The following WWOX variants were observed in gnomAD, a reference collection of about 807,000 sequenced individuals.
WWOX encodes WW domain-containing oxidoreductase.
A neutral mutation model predicts 46.2 loss-of-function variants in WWOX; 69 were observed. The ratio of observed to expected loss-of-function variants is 1.49; its 90% CI spans 1.23 to 1.82. WWOX has a LOEUF of 1.82. Ranked by LOEUF, WWOX falls within the 40% of genes most tolerant of loss-of-function variation. WWOX has a pLI of 0.00. For missense variants in WWOX, 919 were observed against 542.6 expected, an observed-to-expected ratio of 1.69 and a Z score of -6.89; for synonymous variants, 359 against 202.6, an observed-to-expected ratio of 1.77 and a Z score of -6.56.
chr16:78,564,203 C>T (rs2044508757), intron 8 of WWOX, among the ~76,000 whole-genome samples: 1 of 152,182 alleles, frequency 6.6e-6, no homozygotes, highest in African/African-American at 2.4e-5. Flanking sequence ...TTGTTTATAG[C>T]CACTAATATT....
In WWOX at chr16:78,447,071, G is replaced by A. The variant is rs1385439471; in HGVS notation, c.1056+14319G>A. On this transcript the variant is annotated intron_variant, in intron 8 of 8. Transcript: ENST00000566780. ...TTCTCTGTACTCTGTCCTGTCCAGT[G>A]CCTTTCAGAAGTAAGGTTTTTAGAA... is the stretch of plus-strand genomic sequence containing the variant. 2.0e-5 allele frequency among the ~76,000 whole-genome samples: 3 copies of A among 152,304 alleles called. No individual in the cohort carries two copies. The East Asian group carries it at 5.8e-4, about 29-fold the overall frequency.
chr16:78,711,064 T>C (rs1279931195), intron 8 of WWOX, among the ~76,000 whole-genome samples: 1 of 152,146 alleles, frequency 6.6e-6, no homozygotes, highest in Non-Finnish European at 1.5e-5. Flanking sequence ...TCTTAGAAAG[T>C]GGAGGGTGTA....
intron 8 of WWOX, among the ~76,000 whole-genome samples, chr16:78,680,317 G>A (rs983755803): frequency 2.6e-5 from 4 of 152,280 alleles, no homozygotes; most frequent in African/African-American, 9.6e-5. Context: ...GCTGAGGTGG[G>A]AGGATTGCGT....
rs541455368 is a variant in WWOX at position 78,486,559 on chromosome 16, A to AGTTTTGTTTTGTTTTGTTTTGTTTT, written c.1056+53819_1056+53843dup. On this transcript the variant is annotated intron_variant, in intron 8 of 8. Coordinates refer to ENST00000566780, the MANE Select transcript of WWOX (RefSeq NM_016373.4). ...TACTGGGTGTGTTTAATTGACTTCC[A>AGTTTTGTTTTGTTTTGTTTTGTTTT]GTTTTGTTTTGTTTTGTTTTGTTTT... Among the ~76,000 whole-genome samples, 527 of 137,642 alleles carry AGTTTTGTTTTGTTTTGTTTTGTTTT rather than the reference A, an allele frequency of 3.8e-3. 4 individuals carry two copies. Among genetic ancestry groups the AGTTTTGTTTTGTTTTGTTTTGTTTT allele is most frequent in the African/African-American group, 0.012 (420 of 34,070 alleles). 90.3% of individuals were successfully genotyped at this position (137,642 alleles called of 152,430 possible).
intron 8 of WWOX, among the ~76,000 whole-genome samples, chr16:78,919,573 A>C (rs1417078566): frequency 1.2e-4 from 17 of 141,286 alleles, no homozygotes; most frequent in Non-Finnish European, 1.7e-4. Context: ...GATGGAGCAC[A>C]ATGGCGCGAT....
intron 8 of WWOX, among the ~76,000 whole-genome samples, chr16:79,099,131 C>T (rs753470380): frequency 3.3e-5 from 5 of 152,180 alleles, no homozygotes; most frequent in East Asian, 3.9e-4. Context: ...AACCAGCTCC[C>T]GTGGGAAATC....
At chr16:78,358,600 G>C (rs2081345329) in intron 5 of WWOX, among the ~76,000 whole-genome samples, 1 of 152,138 alleles carries the variant, frequency 6.6e-6, no homozygotes, top group African/African-American at 2.4e-5. Flanking sequence ...GGAGTTTGCA[G>C]TGAGCCGAGA....
chr16:79,036,751 A>T (rs1464405057), intron 8 of WWOX, among the ~76,000 whole-genome samples: 2 of 152,192 alleles, frequency 1.3e-5, no homozygotes, highest in Admixed American at 1.3e-4. Context: ...TGGGAAGAGT[A>T]AACAGGCATG....
In WWOX at chr16:78,508,310, C is replaced by CTTTTTTTTTT. The variant is rs60281450; in HGVS notation, c.1056+75579_1056+75588dup. ...ATAGGCGTGAGCCACTGCGCCCGGCCTTTTTTTTTTTTTTTTTTTTTTTTT... is the reference window on the plus strand; with the variant it reads ...ATAGGCGTGAGCCACTGCGCCCGGCCTTTTTTTTTTTTTTTTTTTTTTTTTTTTTTTTTTT... On this transcript the variant is annotated intron_variant, in intron 8 of 8. Coordinates refer to ENST00000566780, the MANE Select transcript of WWOX (RefSeq NM_016373.4). Among the ~76,000 whole-genome samples the CTTTTTTTTTT allele has an allele frequency of 1.4e-3, 160 of 112,720 alleles. 16 individuals are homozygous for CTTTTTTTTTT. Among genetic ancestry groups the CTTTTTTTTTT allele is most frequent in the East Asian group, 8.5e-3 (31 of 3,648 alleles). 73.9% of individuals were successfully genotyped at this position (112,720 alleles called of 152,430 possible). A position where few individuals can be genotyped will look rare whatever the true frequency, so the allele number is the denominator to read the frequency against.
At chr16:79,170,616 T>TAAAA (rs10623409) in intron 8 of WWOX, among the ~76,000 whole-genome samples, 88,837 of 151,598 alleles carry the variant, frequency 0.59, 27,594 homozygotes, top group East Asian at 0.89. Context: ...ATTTTTTACT[T>TAAAA]AAACCACACA....
intron 8 of WWOX, chr16:78,825,134 A>G (rs1457794258): frequency 6.5e-6 from 1 of 153,174 alleles, no homozygotes; most frequent in Non-Finnish European, 1.5e-5. Flanking sequence ...GAGTTTCATA[A>G]GGTCATAGAG....
At chr16:79,190,898 A>T (rs2051122646) in intron 8 of WWOX, among the ~76,000 whole-genome samples, 1 of 152,208 alleles carries the variant, frequency 6.6e-6, no homozygotes, top group Non-Finnish European at 1.5e-5. Flanking sequence ...CTTGAGTTAG[A>T]CAGCTAATTA....
intron 8 of WWOX, among the ~76,000 whole-genome samples, chr16:78,575,491 C>G (rs1035519516): frequency 2.6e-5 from 4 of 151,960 alleles, no homozygotes; most frequent in East Asian, 1.9e-4. Flanking sequence ...GCATGGAGGA[C>G]AAGAAGGCAC....
intron 8 of WWOX, among the ~76,000 whole-genome samples, chr16:78,673,819 G>A (rs564411621): frequency 4.6e-5 from 7 of 152,226 alleles, no homozygotes; most frequent in African/African-American, 1.7e-4. Flanking sequence ...AATAGTGCAA[G>A]ATTTCTATCG....
intron 8 of WWOX, among the ~76,000 whole-genome samples, chr16:78,882,458 G>A (rs921321651): frequency 6.7e-6 from 1 of 149,492 alleles, no homozygotes; most frequent in Non-Finnish European, 1.5e-5. Context: ...AGAAGGTTCT[G>A]TTAACACACC....
chr16:78,749,826 T>C (rs1312069320), intron 8 of WWOX, among the ~76,000 whole-genome samples: 1 of 152,210 alleles, frequency 6.6e-6, no homozygotes, highest in Non-Finnish European at 1.5e-5. Flanking sequence ...AAACTGTTCC[T>C]CTTAACACCT....
At chr16:79,102,220 C>G (rs2049214837) in intron 8 of WWOX, among the ~76,000 whole-genome samples, 2 of 152,222 alleles carry the variant, frequency 1.3e-5, no homozygotes, top group African/African-American at 4.8e-5. Flanking sequence ...GATAACTTGC[C>G]TATAAACATA....
chr16:78,854,988 C>A (rs1227147845), intron 8 of WWOX, among the ~76,000 whole-genome samples: 1 of 150,268 alleles, frequency 6.7e-6, no homozygotes, highest in African/African-American at 2.5e-5. Context: ...CTCAAATTTA[C>A]ACTCCATTAT....
chr16:78,144,450 C>CACATATATATATATATAT (rs1171090089), intron 4 of WWOX, among the ~76,000 whole-genome samples: 5 of 24,926 alleles, frequency 2.0e-4, no homozygotes, highest in African/African-American at 6.0e-4. Context: ...TATATATACA[C>CACATATATATATATATAT]ATATATATAT....
Sources: gnomAD v4.1 joint callset for allele counts (sites outside exome capture counted in the v4.1 genomes callset) on GRCh38, gnomAD v4.1.1 for gene constraint, MANE v1.5 for transcripts, NCBI Gene and HGNC (gene_info 2026-07-23, HGNC 2026-07-21) for gene names.